The following ADGRG4 variants were observed in gnomAD, a reference collection of about 807,000 sequenced individuals.
ADGRG4 encodes adhesion G protein-coupled receptor G4.
In ADGRG4, 122 loss-of-function variants were observed where a neutral mutation model predicts 126.2. The observed-to-expected ratio is 0.97, with a 90% confidence interval of 0.83 to 1.12. ADGRG4 has a LOEUF of 1.12. ADGRG4 is among the 50% of genes most tolerant of loss of function. ADGRG4 has a pLI of 0.00. For missense variants in ADGRG4, 2,481 were observed against 2,251.8 expected, an observed-to-expected ratio of 1.10 and a Z score of -2.06; for synonymous variants, 943 against 838.7, an observed-to-expected ratio of 1.12 and a Z score of -2.15.
At chrX:136,353,035 A>C (rs1264299469) in intron 7 of ADGRG4, among the ~76,000 whole-genome samples, 2 of 111,444 alleles carry the variant, frequency 1.8e-5, no homozygotes, top group Admixed American at 9.6e-5. Context: ...TTATAAGGAC[A>C]CTGGTCCTGT....
rs571426046 is a variant in ADGRG4 at position 136,354,560 on chromosome X, G to T, written c.6887+1159G>T. Among the ~76,000 whole-genome samples, 18 of 111,398 alleles carry T rather than the reference G, an allele frequency of 1.6e-4. No homozygotes were observed. The South Asian group carries it at 3.0e-3, about 19-fold the overall frequency. On this transcript the variant is annotated intron_variant, in intron 8 of 25. Coordinates refer to ENST00000394143, the MANE Select transcript of ADGRG4 (RefSeq NM_153834.4). The stretch of plus-strand genomic sequence containing the variant: ...ACACACCAAGCAGCTGACACCAGCT[G>T]GTTGTTCTCTACTTCAATTCTATTC...
chrX:136,406,504 T>C (rs1021719047), intron 23 of ADGRG4, among the ~76,000 whole-genome samples: 14 of 112,375 alleles, frequency 1.2e-4, no homozygotes, highest in Non-Finnish European at 2.6e-4. Context: ...ATTGGTTGAA[T>C]TAGATGATCC....
At chrX:136,364,750 AT>A (rs1365478008) in intron 13 of ADGRG4, among the ~76,000 whole-genome samples, 1 of 112,269 alleles carries the variant, frequency 8.9e-6, no homozygotes, top group Non-Finnish European at 1.9e-5. Flanking sequence ...TGTAGACCAC[AT>A]TAGCTTTTAT....
At chrX:136,357,197 C>G (rs2075100001) in intron 9 of ADGRG4, among the ~76,000 whole-genome samples, 1 of 111,396 alleles carries the variant, frequency 9.0e-6, no homozygotes, top group Non-Finnish European at 1.9e-5. Flanking sequence ...TGGGTTGGAA[C>G]CCCTGCTTTT....
chrX:136,345,871 C>A lies in ADGRG4; in HGVS notation c.2165C>A (p.Ala722Asp). 8.3e-7 allele frequency: 1 copy of A among 1,210,602 alleles called. No homozygotes were observed. The highest frequency in any genetic ancestry group is 1.1e-6 in the Non-Finnish European group (1 of 894,561). Residue 722 changes from alanine to aspartate, a missense_variant, in exon 6 of 26, where the codon GCC becomes GAC. Coordinates refer to ENST00000394143, the MANE Select transcript of ADGRG4 (RefSeq NM_153834.4). ...KGTTANDATTARYTTAVSKLT... is the reference protein window; with the variant it reads ...KGTTANDATTDRYTTAVSKLT... Reference sequence around the variant, plus strand: ...ACCACTGCCAATGATGCTACTACAGCCAGATATACAACAGCTGTATCCAAA... The same window carrying A: ...ACCACTGCCAATGATGCTACTACAGACAGATATACAACAGCTGTATCCAAA...
At position 136,322,961 on chromosome X, in the gene ADGRG4, G is replaced by A. The variant is rs775947024; in HGVS notation, c.254G>A (p.Arg85Lys). 5.0e-6 allele frequency: 6 copies of A among 1,211,225 alleles called. No homozygotes were observed. Among genetic ancestry groups the A allele is most frequent in the Non-Finnish European group, 6.7e-6 (6 of 894,804 alleles). ...ATTACTAATAACGCCCTCCTGGGCA[G>A]AGAAGACATAGACCTTGGACTTGCA... ...SYITNNALLG[R>K]EDIDLGLAGD... The change falls in exon 5 of 26, where the codon AGA becomes AAA. Residue 85 changes from arginine to lysine, a missense_variant. By Grantham distance (26) the Arg-to-Lys change is conservative. Coordinates refer to ENST00000394143, the MANE Select transcript of ADGRG4 (RefSeq NM_153834.4).
intron 5 of ADGRG4, among the ~76,000 whole-genome samples, chrX:136,333,083 T>G (rs1228732367): frequency 9.0e-6 from 1 of 111,662 alleles, no homozygotes; most frequent in Non-Finnish European, 1.9e-5. Context: ...AAACAAGCAA[T>G]GGGGAAAGGA....
In ADGRG4 at chrX:136,347,168, T is replaced by C; in HGVS notation, c.3462T>C (p.Pro1154=). The change falls in exon 6 of 26, where the codon CCT becomes CCC. Residue 1154 remains proline (P), a synonymous_variant. Coordinates refer to ENST00000394143, the MANE Select transcript of ADGRG4 (RefSeq NM_153834.4). ...CAAAACCTCCCCCTGACAACATTCC[T>C]CCTGCGTCCTCCACTCATGTGATCT... is the stretch of plus-strand genomic sequence containing the variant. ...VCSKPPPDNI[P]PASSTHVIST... 2 of 1,210,951 alleles carry C rather than the reference T, an allele frequency of 1.7e-6. No individual in the cohort carries two copies. The highest frequency in any genetic ancestry group is 2.2e-6 in the Non-Finnish European group (2 of 895,120).
intron 18 of ADGRG4, among the ~76,000 whole-genome samples, 194 bp from the exon 19 acceptor site, chrX:136,395,196 A>G (rs1312077503): frequency 8.1e-5 from 9 of 111,737 alleles, no homozygotes; most frequent in Non-Finnish European, 1.5e-4. Context: ...AAGTTGTGCC[A>G]TTTACGAAGT....
chrX:136,383,259 G>A (rs1001089817), intron 15 of ADGRG4, among the ~76,000 whole-genome samples: 2 of 111,451 alleles, frequency 1.8e-5, no homozygotes, highest in African/African-American at 3.3e-5. Context: ...CTCTAACTTT[G>A]TGCAACTGTC....
At chrX:136,322,695 T>C in intron 4 of ADGRG4, 83 bp from the exon 5 acceptor site, 1 of 870,432 alleles carries the variant, frequency 1.1e-6, no homozygotes, top group Non-Finnish European at 1.6e-6. Context: ...AACCCAGATT[T>C]GACTGTATTG....
chrX:136,329,709 G>T (rs996840143), intron 5 of ADGRG4, among the ~76,000 whole-genome samples: 16 of 103,849 alleles, frequency 1.5e-4, no homozygotes, highest in Non-Finnish European at 2.9e-4. Context: ...TCACTCTGTC[G>T]CCCAGGATGT....
rs2074724509 is a variant in ADGRG4 at position 136,305,025 on chromosome X, T to C, written c.-10+2T>C. The C allele has an allele frequency of 8.9e-6, 1 of 111,864 alleles. No homozygotes were observed. Among genetic ancestry groups the C allele is most frequent in the African/African-American group, 3.3e-5 (1 of 30,752 alleles). 9.2% of individuals were successfully genotyped at this position (111,864 alleles called of 1,213,427 possible). On this transcript the variant is annotated splice_donor_variant, in intron 3 of 25. Coordinates refer to ENST00000394143, the MANE Select transcript of ADGRG4 (RefSeq NM_153834.4). LOFTEE classifies it low-confidence loss of function (5UTR_SPLICE). ...ATGTAATCTTCACAGCAATATGAGG[T>C]GAGTTCCATGGTCAGCATTTTACAA...
intron 5 of ADGRG4, among the ~76,000 whole-genome samples, chrX:136,332,024 CTTTAAG>C (rs1342127625): frequency 9.2e-6 from 1 of 108,474 alleles, no homozygotes; most frequent in Non-Finnish European, 1.9e-5. Flanking sequence ...TTTTATTATA[CTTTAAG>C]TTTTAGGGTA....
At chrX:136,334,745 C>T (rs1033697140) in intron 5 of ADGRG4, among the ~76,000 whole-genome samples, 1 of 112,286 alleles carries the variant, frequency 8.9e-6, no homozygotes, top group Non-Finnish European at 1.9e-5. Context: ...ATTTTTAGGA[C>T]ATAGAAATGT....
At chrX:136,366,680 A>G (rs1414757634) in intron 13 of ADGRG4, among the ~76,000 whole-genome samples, 1 of 112,423 alleles carries the variant, frequency 8.9e-6, no homozygotes, top group Non-Finnish European at 1.9e-5. Flanking sequence ...GTTGTTTCAC[A>G]TTCTTTCCAG....
chrX:136,387,033 GGAGA>G lies in ADGRG4; in HGVS notation c.7777-700_7777-697del, dbSNP rs1250485832. Among the ~76,000 whole-genome samples, 4 of 111,716 alleles carry G rather than the reference GGAGA, an allele frequency of 3.6e-5. No individual in the cohort carries two copies. The South Asian group carries it at 1.5e-3, about 42-fold the overall frequency. On this transcript the variant is annotated intron_variant, in intron 15 of 25. Coordinates refer to ENST00000394143, the MANE Select transcript of ADGRG4 (RefSeq NM_153834.4). Reference sequence around the variant, plus strand: ...TCCAATGGCAGATGTGCAAAGAGAGGGAGAGAGAGAACAAAAGATTGAACTCACA... The same window carrying G: ...TCCAATGGCAGATGTGCAAAGAGAGGGAGAGAACAAAAGATTGAACTCACA...
At chrX:136,333,074 A>G (rs2074923612) in intron 5 of ADGRG4, among the ~76,000 whole-genome samples, 1 of 111,510 alleles carries the variant, frequency 9.0e-6, no homozygotes, top group Admixed American at 9.5e-5. Flanking sequence ...ACCTGAGAAA[A>G]ACAAGCAATG....
intron 23 of ADGRG4, 106 bp downstream of exon 23, chrX:136,406,078 C>A: frequency 1.2e-6 from 1 of 854,418 alleles, no homozygotes; most frequent in East Asian, 3.2e-5. Context: ...AGATGTTAGT[C>A]TTCATTAAAT....
Sources: allele counts gnomAD v4.1 joint callset (sites outside exome capture counted in the v4.1 genomes callset), GRCh38; gene constraint gnomAD v4.1.1; transcripts MANE v1.5; gene names NCBI Gene and HGNC (gene_info 2026-07-23, HGNC 2026-07-21).